The following LINC00305 variants were observed in gnomAD, a reference collection of about 807,000 sequenced individuals.
The protein encoded by LINC00305 is long intergenic non-protein coding RNA 305.
intron 1 of LINC00305, among the ~76,000 whole-genome samples, chr18:64,130,685 A>C (rs1351031605): frequency 6.6e-6 from 1 of 152,214 alleles, no homozygotes; most frequent in Non-Finnish European, 1.5e-5. Flanking sequence ...AATTCAGTAC[A>C]ATCTTCACAG....
intron 3 of LINC00305, among the ~76,000 whole-genome samples, chr18:64,082,898 G>A (rs769225305): frequency 6.6e-6 from 1 of 150,888 alleles, no homozygotes; most frequent in Non-Finnish European, 1.5e-5. Flanking sequence ...TAAAATTCTT[G>A]TTTCTAAAAT....
chr18:64,119,384 A>G (rs2051351899), intron 1 of LINC00305, among the ~76,000 whole-genome samples: 1 of 152,150 alleles, frequency 6.6e-6, no homozygotes, highest in Admixed American at 6.6e-5. Context: ...TAGGTTGGAG[A>G]CTAGATTGAT....
chr18:64,099,757 A>G (rs2051260972), intron 1 of LINC00305, among the ~76,000 whole-genome samples: 1 of 152,096 alleles, frequency 6.6e-6, no homozygotes, highest in South Asian at 2.1e-4. Flanking sequence ...CTCATTGCAG[A>G]TGGTGGATTT....
At chr18:64,093,816 G>A (rs1312268064) in intron 3 of LINC00305, among the ~76,000 whole-genome samples, 1 of 152,168 alleles carries the variant, frequency 6.6e-6, no homozygotes, top group Non-Finnish European at 1.5e-5. Context: ...ACCCATCCCT[G>A]TTTATAAGAT....
chr18:64,111,516 T>C lies in LINC00305; in HGVS notation n.315-12876A>G, dbSNP rs2051314508. Reference sequence around the variant, plus strand: ...TTTTAGTGTTTCAAATGTGAATTCTTGTTTATAGAATAGTAAGGAAAATAC... The same window carrying C: ...TTTTAGTGTTTCAAATGTGAATTCTCGTTTATAGAATAGTAAGGAAAATAC... On this transcript the variant is annotated intron_variant and non_coding_transcript_variant, in intron 1 of 3. Coordinates refer to ENST00000666468, the Ensembl canonical transcript of LINC00305. Among the ~76,000 whole-genome samples, 3 of 152,206 alleles carry C rather than the reference T, an allele frequency of 2.0e-5. 1 individual carries two copies. The South Asian group carries it at 6.2e-4, about 31-fold the overall frequency.
rs377586958 is a variant in LINC00305, at chr18:64,102,662, A to T, written n.315-4022T>A. Among the ~76,000 whole-genome samples the T allele has an allele frequency of 5.3e-5, 8 of 152,266 alleles. 1 individual carries two copies. Among genetic ancestry groups the T allele is most frequent in the Admixed American group, 2.0e-4 (3 of 15,290 alleles). ...CTCATGGTTCTGCAGGCTATATAGG[A>T]AGTATAGTAGCTTCTGCTTCTAGGG... On this transcript the variant is annotated intron_variant and non_coding_transcript_variant, in intron 1 of 3. Transcript: ENST00000666468.
chr18:64,094,913 T>C (rs1451157870), intron 3 of LINC00305, among the ~76,000 whole-genome samples: 1 of 126,122 alleles, frequency 7.9e-6, no homozygotes, highest in Non-Finnish European at 1.7e-5. Flanking sequence ...AATTTCTTTC[T>C]GGGCAAGCAA....
chr18:64,148,651 C>T (rs2051509949), intron 1 of LINC00305: 1 of 152,120 alleles, frequency 6.6e-6, no homozygotes, highest in South Asian at 2.1e-4. Context: ...CTTGGCTATT[C>T]TTTTTCTTAG....
chr18:64,084,069 A>T (rs956473364), intron 3 of LINC00305, among the ~76,000 whole-genome samples: 1 of 152,152 alleles, frequency 6.6e-6, no homozygotes, highest in African/African-American at 2.4e-5. Context: ...CACAGAAAAC[A>T]CACTCTCCTC....
intron 3 of LINC00305, among the ~76,000 whole-genome samples, chr18:64,094,741 T>C (rs2051238209): frequency 6.6e-6 from 1 of 152,098 alleles, no homozygotes. Context: ...CAGGTGCCTG[T>C]AATCCCAGCT....
At chr18:64,121,825 C>T (rs2051363429) in intron 1 of LINC00305, among the ~76,000 whole-genome samples, 1 of 152,046 alleles carries the variant, frequency 6.6e-6, no homozygotes, top group Non-Finnish European at 1.5e-5. Context: ...ATAAGAGTTC[C>T]CTTTTCTCCA....
chr18:64,083,840 T>C (rs1164695448), intron 3 of LINC00305, among the ~76,000 whole-genome samples: 3 of 152,206 alleles, frequency 2.0e-5, no homozygotes, highest in African/African-American at 7.2e-5. Context: ...GTAACCTTGA[T>C]TTGTTAGGAT....
chr18:64,114,071 G>A (rs2051326827), intron 1 of LINC00305, among the ~76,000 whole-genome samples: 1 of 152,102 alleles, frequency 6.6e-6, no homozygotes, highest in African/African-American at 2.4e-5. Flanking sequence ...AGAGCGAGAC[G>A]ATCCTGGCTA....
chr18:64,102,044 C>T (rs1349495178), intron 1 of LINC00305, among the ~76,000 whole-genome samples: 1 of 152,194 alleles, frequency 6.6e-6, no homozygotes, highest in Admixed American at 6.5e-5. Flanking sequence ...GTCCTGACAA[C>T]CAAGTCAATT....
intron 3 of LINC00305, among the ~76,000 whole-genome samples, chr18:64,083,045 G>T (rs1189991196): frequency 1.4e-5 from 2 of 147,600 alleles, no homozygotes; most frequent in Non-Finnish European, 2.9e-5. Context: ...CCATTAAATT[G>T]TCCCTTACCT....
chr18:64,114,537 A>G (rs1238251712), intron 1 of LINC00305, among the ~76,000 whole-genome samples: 1 of 152,040 alleles, frequency 6.6e-6, no homozygotes, highest in Non-Finnish European at 1.5e-5. Context: ...ATATTCATTT[A>G]TTTTATGGGT....
intron 1 of LINC00305, among the ~76,000 whole-genome samples, chr18:64,100,104 C>T (rs2051262206): frequency 6.6e-6 from 1 of 152,044 alleles, no homozygotes; most frequent in Non-Finnish European, 1.5e-5. Context: ...AGAAAGCTGG[C>T]TGGCTAACTC....
intron 1 of LINC00305, among the ~76,000 whole-genome samples, chr18:64,145,250 G>T (rs1160331716): frequency 1.3e-5 from 2 of 152,236 alleles, no homozygotes; most frequent in East Asian, 3.9e-4. Context: ...TCTATATACT[G>T]TACTTCTACC....
At chr18:64,111,884 A>G (rs1421030635) in intron 1 of LINC00305, among the ~76,000 whole-genome samples, 1 of 152,228 alleles carries the variant, frequency 6.6e-6, no homozygotes, top group East Asian at 1.9e-4. Context: ...ACCTCCGGGA[A>G]CAGTAATGTA....
Sources: gnomAD v4.1 joint callset for allele counts (sites outside exome capture counted in the v4.1 genomes callset) on GRCh38, gnomAD v4.1.1 for gene constraint, MANE v1.5 for transcripts, NCBI Gene and HGNC (gene_info 2026-07-23, HGNC 2026-07-21) for gene names.